Variants in CFAP299 observed in about 807,000 individuals in gnomAD.
CFAP299 encodes cilia- and flagella-associated protein 299.
Under a neutral mutation model 27.0 loss-of-function variants are expected in CFAP299, and 21 were observed. The observed-to-expected ratio is 0.78, with a 90% CI of 0.55 to 1.12. The LOEUF (loss-of-function observed/expected upper bound fraction) is 1.12. Ranked by LOEUF, CFAP299 falls within the 50% of genes most tolerant of loss-of-function variation. The pLI is 0.00. For missense variants in CFAP299, 310 were observed against 276.6 expected (o/e 1.12, Z -0.86); for synonymous variants, 104 against 98.1 (o/e 1.06, Z -0.36).
chr4:80,869,988 A>T lies in CFAP299; in HGVS notation c.334-5A>T, dbSNP rs780497729. The T allele has an allele frequency of 2.1e-5, 33 of 1,607,290 alleles. 1 individual carries two copies. In the South Asian group the frequency reaches 3.7e-4, roughly 18 times the overall value. ...TTTGTCTTATTCTCTATTCTGTGCT[A>T]CCAGTCCGTGATCTTTATTCGTGAC... On this transcript the variant is annotated splice_polypyrimidine_tract_variant and splice_region_variant and intron_variant, in intron 3 of 5. Coordinates refer to ENST00000358105, the MANE Select transcript of CFAP299 (RefSeq NM_152770.3).
At chr4:80,733,617 A>G (rs1301434073) in intron 3 of CFAP299, among the ~76,000 whole-genome samples, 4 of 151,960 alleles carry the variant, frequency 2.6e-5, no homozygotes, top group Non-Finnish European at 5.9e-5. Flanking sequence ...CCTGCCTCCC[A>G]CTACTCTTCC....
chr4:80,583,067 T>C (rs372776163), intron 2 of CFAP299, 26 bp from the exon 3 acceptor site: 3 of 1,484,516 alleles, frequency 2.0e-6, no homozygotes, highest in Admixed American at 1.8e-5. Flanking sequence ...TCTAATATAT[T>C]ATAACTGAAG....
intron 3 of CFAP299, among the ~76,000 whole-genome samples, chr4:80,767,424 A>G (rs1293971644): frequency 6.6e-6 from 1 of 152,070 alleles, no homozygotes; most frequent in East Asian, 1.9e-4. Context: ...CCTGGCTAAC[A>G]TGGTGAAACC....
intron 3 of CFAP299, among the ~76,000 whole-genome samples, chr4:80,632,868 G>C (rs1303024633): frequency 1.3e-5 from 2 of 152,038 alleles, no homozygotes; most frequent in East Asian, 3.9e-4. Flanking sequence ...GTAAAGGAAA[G>C]ACCTTGAAAA....
At chr4:80,483,299 G>T (rs1252993213) in intron 2 of CFAP299, among the ~76,000 whole-genome samples, 1 of 152,134 alleles carries the variant, frequency 6.6e-6, no homozygotes, top group African/African-American at 2.4e-5. Flanking sequence ...TATAAGATAA[G>T]AAATTTATGT....
At chr4:80,854,193 T>C (rs1417128364) in intron 3 of CFAP299, among the ~76,000 whole-genome samples, 2 of 152,286 alleles carry the variant, frequency 1.3e-5, no homozygotes, top group Non-Finnish European at 2.9e-5. Flanking sequence ...TGAACAATTA[T>C]GTCAAATGCC....
intron 3 of CFAP299, among the ~76,000 whole-genome samples, chr4:80,647,447 A>T (rs1299430426): frequency 6.6e-6 from 1 of 152,122 alleles, no homozygotes; most frequent in Non-Finnish European, 1.5e-5. Flanking sequence ...TTTTTTATTT[A>T]AGATGTGGAG....
chr4:80,662,938 C>G (rs1280117438), intron 3 of CFAP299, among the ~76,000 whole-genome samples: 2 of 151,644 alleles, frequency 1.3e-5, no homozygotes, highest in African/African-American at 2.4e-5. Context: ...ATTTTAGGTG[C>G]TACTTATCAT....
chr4:80,397,496 C>A (rs1173255050), intron 2 of CFAP299, among the ~76,000 whole-genome samples: 1 of 152,086 alleles, frequency 6.6e-6, no homozygotes, highest in East Asian at 1.9e-4. Flanking sequence ...TTAGATCTTT[C>A]CTGCTTTCTC....
intron 2 of CFAP299, among the ~76,000 whole-genome samples, chr4:80,539,100 A>G (rs1313312506): frequency 6.6e-6 from 1 of 152,210 alleles, no homozygotes; most frequent in Non-Finnish European, 1.5e-5. Flanking sequence ...TAGTAAAAGT[A>G]TCTCATTTAC....
At chr4:80,428,018 T>G (rs1349459373) in intron 2 of CFAP299, among the ~76,000 whole-genome samples, 3 of 152,224 alleles carry the variant, frequency 2.0e-5, no homozygotes, top group Non-Finnish European at 4.4e-5. Context: ...AATTTCAACC[T>G]TTTTATTTCT....
intron 2 of CFAP299, among the ~76,000 whole-genome samples, chr4:80,401,791 T>C (rs560163364): frequency 2.2e-4 from 34 of 152,230 alleles, no homozygotes; most frequent in African/African-American, 7.9e-4. Context: ...ACAGCTTGCA[T>C]TGTGCACTTG....
chr4:80,692,392 A>G (rs1241785012), intron 3 of CFAP299, among the ~76,000 whole-genome samples: 1 of 152,212 alleles, frequency 6.6e-6, no homozygotes, highest in Admixed American at 6.5e-5. Context: ...ATAACGCCAC[A>G]TATCTACAAC....
intron 2 of CFAP299, among the ~76,000 whole-genome samples, chr4:80,428,246 T>A (rs937554953): frequency 6.6e-6 from 1 of 152,198 alleles, no homozygotes; most frequent in Admixed American, 6.5e-5. Flanking sequence ...CTTTTGTTTC[T>A]AGTTTAATTC....
At chr4:80,569,188 C>A (rs1398956617) in intron 2 of CFAP299, among the ~76,000 whole-genome samples, 3 of 152,044 alleles carry the variant, frequency 2.0e-5, no homozygotes, top group Non-Finnish European at 4.4e-5. Flanking sequence ...TATACTCTCT[C>A]CCCTTAAGCT....
At chr4:80,909,683 G>A (rs1735370260) in intron 4 of CFAP299, among the ~76,000 whole-genome samples, 1 of 151,700 alleles carries the variant, frequency 6.6e-6, no homozygotes, top group Non-Finnish European at 1.5e-5. Flanking sequence ...AACGGGATAA[G>A]AATTTATGGA....
intron 3 of CFAP299, among the ~76,000 whole-genome samples, chr4:80,783,970 A>G (rs1036530818): frequency 6.7e-6 from 1 of 148,708 alleles, no homozygotes; most frequent in Non-Finnish European, 1.5e-5. Flanking sequence ...TTATGATTCT[A>G]CATATAAATG....
chr4:80,654,262 A>G (rs564908134), intron 3 of CFAP299, among the ~76,000 whole-genome samples: 1 of 152,194 alleles, frequency 6.6e-6, no homozygotes, highest in Non-Finnish European at 1.5e-5. Flanking sequence ...GTTATTTTTT[A>G]TGCCCTCAGG....
At chr4:80,706,288 T>C (rs993787021) in intron 3 of CFAP299, among the ~76,000 whole-genome samples, 1 of 151,682 alleles carries the variant, frequency 6.6e-6, no homozygotes, top group Non-Finnish European at 1.5e-5. Context: ...AAAGTTTTAA[T>C]TAAAACAAAT....
Sources: gnomAD v4.1 joint callset for allele counts (sites outside exome capture counted in the v4.1 genomes callset) on GRCh38, gnomAD v4.1.1 for gene constraint, MANE v1.5 for transcripts, NCBI Gene and HGNC (gene_info 2026-07-23, HGNC 2026-07-21) for gene names.